Variants in SGCD observed in about 807,000 individuals in gnomAD.
The protein encoded by SGCD is sarcoglycan delta.
In SGCD, 18 loss-of-function variants were observed where a neutral mutation model predicts 36.6. The observed-to-expected ratio is 0.49, with a 90% CI of 0.34 to 0.73. SGCD has a LOEUF of 0.73. Ranked by LOEUF, SGCD falls within the 30% of genes least tolerant of loss-of-function variation. The pLI is 0.01. For synonymous variants in SGCD, 133 were observed against 130.6 expected, an observed-to-expected ratio of 1.02 and a Z score of -0.12; for missense variants, 387 against 346.7, an observed-to-expected ratio of 1.12 and a Z score of -0.92.
intron 3 of SGCD, among the ~76,000 whole-genome samples, chr5:156,457,067 C>G (rs954641434): frequency 6.6e-6 from 1 of 152,112 alleles, no homozygotes; most frequent in Non-Finnish European, 1.5e-5. Flanking sequence ...TTTACTAGAA[C>G]AGAAACCAAA....
chr5:155,915,318 G>C (rs987917329), intron 1 of SGCD, among the ~76,000 whole-genome samples: 5 of 151,968 alleles, frequency 3.3e-5, no homozygotes, highest in Admixed American at 6.6e-5. Flanking sequence ...AAGGTTTTTC[G>C]TTCCCCAAGA....
chr5:156,289,748 G>A (rs1163595033), intron 3 of SGCD, among the ~76,000 whole-genome samples: 2 of 151,818 alleles, frequency 1.3e-5, no homozygotes, highest in East Asian at 3.9e-4. Context: ...CTAACCCCTC[G>A]CTTCAAGCAA....
rs576853903 is a variant in SGCD at position 155,916,371 on chromosome 5, G to A, written c.-282+45947G>A. 5.3e-5 allele frequency among the ~76,000 whole-genome samples: 8 copies of A among 152,216 alleles called. No individual in the cohort carries two copies. In the South Asian group the frequency reaches 1.7e-3, roughly 32 times the overall value. Reference sequence around the variant, plus strand: ...GGATACATTTAGGGTTTCTTTGAAAGTTCTTTAAAAATAATGAACTATTAT... The same window carrying A: ...GGATACATTTAGGGTTTCTTTGAAAATTCTTTAAAAATAATGAACTATTAT... On this transcript the variant is annotated intron_variant, in intron 1 of 9. Coordinates refer to the SGCD transcript ENST00000517913.
chr5:156,305,135 G>A lies in SGCD; in HGVS notation c.-43-24399G>A, dbSNP rs150421586. On this transcript the variant is annotated intron_variant, in intron 3 of 9. Coordinates refer to the SGCD transcript ENST00000517913. Reference sequence around the variant, plus strand: ...AAGCCAGCTGCAGAAATTTGCTTAAGTAATGAGGAGCCAAATGTTAATCCC... The same window carrying A: ...AAGCCAGCTGCAGAAATTTGCTTAAATAATGAGGAGCCAAATGTTAATCCC... Among the ~76,000 whole-genome samples, 417 of 152,302 alleles carry A rather than the reference G, an allele frequency of 2.7e-3. 4 individuals carry two copies. Among genetic ancestry groups the A allele is most frequent in the African/African-American group, 9.4e-3 (389 of 41,562 alleles).
At chr5:156,759,055 C>CCAT (rs1391447136) in intron 8 of SGCD, among the ~76,000 whole-genome samples, 162 bp from the exon 9 acceptor site, 2 of 152,198 alleles carry the variant, frequency 1.3e-5, no homozygotes, top group Non-Finnish European at 2.9e-5. Flanking sequence ...TAGAGACTTT[C>CCAT]CATCTTGTTG....
At chr5:155,823,328 G>C in the SGCD span, among the ~76,000 whole-genome samples, 1 of 150,898 alleles carries the variant, frequency 6.6e-6, no homozygotes, top group Non-Finnish European at 1.5e-5. Flanking sequence ...AAAAAAGGTC[G>C]GGGGGTGGTG....
At chr5:156,244,923 C>T (rs1765404062) in intron 3 of SGCD, among the ~76,000 whole-genome samples, 1 of 152,192 alleles carries the variant, frequency 6.6e-6, no homozygotes, top group Non-Finnish European at 1.5e-5. Flanking sequence ...TAACAGATTA[C>T]TTAGAATAAA....
intron 5 of SGCD, among the ~76,000 whole-genome samples, chr5:156,592,896 A>G (rs565270390): frequency 6.6e-6 from 1 of 152,244 alleles, no homozygotes; most frequent in South Asian, 2.1e-4. Context: ...AGATGTGATT[A>G]TGTGAGTAAG....
chr5:156,561,984 T>G lies in SGCD; in HGVS notation c.295-27247T>G, dbSNP rs550226768. 3.9e-5 allele frequency among the ~76,000 whole-genome samples: 6 copies of G among 152,308 alleles called. No individual in the cohort carries two copies. In the East Asian group the frequency reaches 1.2e-3, roughly 29 times the overall value. On this transcript the variant is annotated intron_variant, in intron 4 of 8. Transcript: ENST00000337851. ...ATGCAGAGCCCTCAGGCACATGTAT[T>G]GTACAAGGAGGACACTGAATAAATA...
the SGCD span, among the ~76,000 whole-genome samples, chr5:155,860,196 G>T: frequency 2.0e-5 from 3 of 152,210 alleles, no homozygotes; most frequent in African/African-American, 7.2e-5. Flanking sequence ...GATACCTGAG[G>T]AAGATCAGGC....
At chr5:155,735,167 G>A in the SGCD span, among the ~76,000 whole-genome samples, 1 of 152,160 alleles carries the variant, frequency 6.6e-6, no homozygotes, top group East Asian at 1.9e-4. Context: ...TCCAAACATA[G>A]GAGTTGAAAG....
chr5:156,570,245 A>G (rs575322133), intron 4 of SGCD, among the ~76,000 whole-genome samples: 11 of 152,342 alleles, frequency 7.2e-5, no homozygotes, highest in African/African-American at 2.6e-4. Context: ...TTTGTGAACT[A>G]GGACATTATT....
chr5:156,541,272 A>T (rs1268874569), intron 4 of SGCD, among the ~76,000 whole-genome samples: 1 of 152,210 alleles, frequency 6.6e-6, no homozygotes, highest in Non-Finnish European at 1.5e-5. Flanking sequence ...TCAGCTAAAA[A>T]GTCTGAGGAA....
At chr5:156,259,114 G>GTTTATTTATTTA (rs561763416) in intron 3 of SGCD, among the ~76,000 whole-genome samples, 2,973 of 146,742 alleles carry the variant, frequency 0.02, 34 homozygotes, top group Non-Finnish European at 0.023. Context: ...AACACTGGCT[G>GTTTATTTATTTA]TTTATTTATT....
intron 1 of SGCD, among the ~76,000 whole-genome samples, chr5:156,092,220 C>T (rs1207518500): frequency 6.6e-6 from 1 of 152,210 alleles, no homozygotes; most frequent in Non-Finnish European, 1.5e-5. Context: ...TGAGTCCTTG[C>T]AAATACCTTC....
intron 1 of SGCD, among the ~76,000 whole-genome samples, chr5:155,918,474 A>T (rs1244348924): frequency 6.6e-6 from 1 of 152,198 alleles, no homozygotes; most frequent in Non-Finnish European, 1.5e-5. Context: ...GAGGCAGGAG[A>T]ATCGCTAGAA....
chr5:156,729,523 A>T lies in SGCD; in HGVS notation c.576-28058A>T, dbSNP rs548318212. On this transcript the variant is annotated intron_variant, in intron 7 of 8. Transcript: ENST00000337851. ...TGTAGCAAGCATGAAATGGGATGAT[A>T]CACATAAAGGATTTAAGTAATTCTT... Among the ~76,000 whole-genome samples, 7 of 152,356 alleles carry T rather than the reference A, an allele frequency of 4.6e-5. No individual in the cohort carries two copies. The South Asian group carries it at 1.0e-3, about 23-fold the overall frequency.
chr5:155,837,444 C>G, the SGCD span, among the ~76,000 whole-genome samples: 1 of 152,210 alleles, frequency 6.6e-6, no homozygotes, highest in African/African-American at 2.4e-5. Context: ...TGGCATGAGT[C>G]ACTGCGCCCA....
At position 156,061,539 on chromosome 5, in the gene SGCD, C is replaced by A. The variant is rs921430206; in HGVS notation, c.-281-56339C>A. ...AGGATGGGAGGAAAATATTTAAAAACAAACCCACTGCATGAATGTTAATGA... is the reference window on the plus strand; with the variant it reads ...AGGATGGGAGGAAAATATTTAAAAAAAAACCCACTGCATGAATGTTAATGA... On this transcript the variant is annotated intron_variant, in intron 1 of 9. Transcript: ENST00000517913. Among the ~76,000 whole-genome samples the A allele has an allele frequency of 6.2e-5, 9 of 145,994 alleles. 2 individuals are homozygous for A. The highest frequency in any genetic ancestry group is 1.2e-4 in the Non-Finnish European group (8 of 64,790).
Sources: gnomAD v4.1 joint callset for allele counts (sites outside exome capture counted in the v4.1 genomes callset) on GRCh38, gnomAD v4.1.1 for gene constraint, MANE v1.5 for transcripts, NCBI Gene and HGNC (gene_info 2026-07-23, HGNC 2026-07-21) for gene names.